The following LSAMP variants were observed in gnomAD, a reference collection of about 807,000 sequenced individuals.
The protein encoded by LSAMP is limbic system associated membrane protein.
Under a neutral mutation model 38.6 loss-of-function variants are expected in LSAMP, and 7 were observed. The observed-to-expected ratio is 0.18, with a 90% CI of 0.10 to 0.34. LSAMP has a LOEUF of 0.34. Ranked by LOEUF, LSAMP falls within the 10% of genes least tolerant of loss-of-function variation. The pLI is 1.00. For missense variants in LSAMP, 313 were observed against 420.0 expected, an observed-to-expected ratio of 0.75 and a Z score of 2.23; for synonymous variants, 154 against 166.8, an observed-to-expected ratio of 0.92 and a Z score of 0.59.
At chr3:115,854,282 ATTTTTTTT>A (rs35263381) in intron 3 of LSAMP, among the ~76,000 whole-genome samples, 4 of 107,030 alleles carry the variant, frequency 3.7e-5, no homozygotes, top group African/African-American at 1.5e-4. Context: ...TATTATTATT[ATTTTTTTT>A]TTTTTTTTTT....
chr3:116,389,731 T>A (rs1430763428), intron 1 of LSAMP, among the ~76,000 whole-genome samples: 5 of 152,178 alleles, frequency 3.3e-5, no homozygotes, highest in African/African-American at 1.2e-4. Flanking sequence ...GCTTTGAACA[T>A]GATGTTCATT....
intron 3 of LSAMP, among the ~76,000 whole-genome samples, chr3:115,904,003 A>C (rs1225910747): frequency 1.3e-5 from 2 of 152,184 alleles, no homozygotes; most frequent in East Asian, 3.8e-4. Flanking sequence ...AGAAAGTTGA[A>C]GATGTGGTTT....
At position 116,223,464 on chromosome 3, in the gene LSAMP, T is replaced by C. The variant is rs1222420245; in HGVS notation, c.156-136908A>G. ...AGATAAATTTAATGTGGCTTATCAA[T>C]TCATTAAAATAATATGAAGCCACTT... On this transcript the variant is annotated intron_variant, in intron 1 of 6. Coordinates refer to ENST00000490035, the MANE Select transcript of LSAMP (RefSeq NM_002338.5). Among the ~76,000 whole-genome samples, 6 of 152,190 alleles carry C rather than the reference T, an allele frequency of 3.9e-5. No homozygotes were observed. In the East Asian group the frequency reaches 1.2e-3, roughly 29 times the overall value.
At chr3:115,982,620 G>A (rs538155423) in intron 3 of LSAMP, among the ~76,000 whole-genome samples, 33 of 151,910 alleles carry the variant, frequency 2.2e-4, no homozygotes, top group African/African-American at 7.7e-4. Flanking sequence ...CTTTTCCTAT[G>A]TTCCCTTTTC....
At chr3:115,930,647 A>G (rs1937566783) in intron 3 of LSAMP, among the ~76,000 whole-genome samples, 1 of 152,220 alleles carries the variant, frequency 6.6e-6, no homozygotes, top group African/African-American at 2.4e-5. Flanking sequence ...CCTACAATCC[A>G]AATGAAACAT....
chr3:116,260,207 T>C (rs964560013), intron 1 of LSAMP, among the ~76,000 whole-genome samples: 1 of 152,132 alleles, frequency 6.6e-6, no homozygotes, highest in South Asian at 2.1e-4. Context: ...TACATTTGTA[T>C]AGTAAATTTA....
chr3:116,049,064 A>C (rs1479507011), intron 2 of LSAMP, among the ~76,000 whole-genome samples: 1 of 152,238 alleles, frequency 6.6e-6, no homozygotes, highest in Non-Finnish European at 1.5e-5. Flanking sequence ...TCACTCTCAG[A>C]CAATGATTAG....
intron 3 of LSAMP, among the ~76,000 whole-genome samples, chr3:116,004,002 A>G (rs1287528969): frequency 6.6e-6 from 1 of 152,192 alleles, no homozygotes; most frequent in Non-Finnish European, 1.5e-5. Context: ...GATGGTGCAG[A>G]TGTCAAGATA....
chr3:116,202,237 G>A (rs2045997912), intron 1 of LSAMP, among the ~76,000 whole-genome samples: 1 of 151,678 alleles, frequency 6.6e-6, no homozygotes, highest in African/African-American at 2.4e-5. Flanking sequence ...CCAGGTTCAA[G>A]TGATTCTCCT....
At chr3:116,183,624 G>A (rs1299303538) in intron 1 of LSAMP, among the ~76,000 whole-genome samples, 1 of 151,774 alleles carries the variant, frequency 6.6e-6, no homozygotes, top group African/African-American at 2.4e-5. Context: ...TACCTAATAA[G>A]ATAGAGTTTC....
At chr3:115,881,037 A>AAAATAAATAAATAAATAAAT (rs141822663) in intron 3 of LSAMP, among the ~76,000 whole-genome samples, 10,915 of 142,780 alleles carry the variant, frequency 0.076, 514 homozygotes, top group East Asian at 0.1. Flanking sequence ...CTCTGTCTCA[A>AAAATAAATAAATAAATAAAT]AAATAAATAA....
At chr3:115,966,888 T>C (rs1938833020) in intron 3 of LSAMP, among the ~76,000 whole-genome samples, 1 of 152,226 alleles carries the variant, frequency 6.6e-6, no homozygotes, top group African/African-American at 2.4e-5. Context: ...ACCTTATCAA[T>C]ATCTTTGAAA....
chr3:116,304,078 T>A (rs2047450345), intron 1 of LSAMP, among the ~76,000 whole-genome samples: 2 of 152,134 alleles, frequency 1.3e-5, no homozygotes, highest in Non-Finnish European at 2.9e-5. Context: ...ATGTGCTAAC[T>A]CAACTTGGTC....
chr3:116,146,215 C>T (rs1051440094), intron 1 of LSAMP, among the ~76,000 whole-genome samples: 4 of 151,860 alleles, frequency 2.6e-5, no homozygotes, highest in Non-Finnish European at 5.9e-5. Flanking sequence ...CCTATAAAGC[C>T]TGACTCCACC....
chr3:116,308,262 T>C (rs1399181201), intron 1 of LSAMP, among the ~76,000 whole-genome samples: 1 of 152,026 alleles, frequency 6.6e-6, no homozygotes, highest in Non-Finnish European at 1.5e-5. Context: ...CCTTCCTTTT[T>C]TGTTGTCAGA....
chr3:115,957,371 A>G (rs1421293483), intron 3 of LSAMP, among the ~76,000 whole-genome samples: 1 of 152,130 alleles, frequency 6.6e-6, no homozygotes, highest in Non-Finnish European at 1.5e-5. Context: ...GTGGCCATAT[A>G]CTAATATTTA....
At chr3:116,385,055 G>A (rs530530790) in intron 1 of LSAMP, among the ~76,000 whole-genome samples, 1 of 151,752 alleles carries the variant, frequency 6.6e-6, no homozygotes, top group Non-Finnish European at 1.5e-5. Context: ...CAGTCACAGG[G>A]TCAGAATCTA....
chr3:116,044,956 A>AAC (rs1246473755), intron 2 of LSAMP, among the ~76,000 whole-genome samples: 1 of 152,212 alleles, frequency 6.6e-6, no homozygotes, highest in African/African-American at 2.4e-5. Context: ...GAAAAAACAA[A>AAC]AAACAAAAAA....
chr3:115,862,468 A>G lies in LSAMP; in HGVS notation c.515-9851T>C, dbSNP rs376559544. On this transcript the variant is annotated intron_variant, in intron 3 of 6. Transcript: ENST00000490035. Reference sequence around the variant, plus strand: ...GAACCTGATGTTGCAATGACCTCATATAGGTTCACCCTAAAATCCCAGATC... The same window carrying G: ...GAACCTGATGTTGCAATGACCTCATGTAGGTTCACCCTAAAATCCCAGATC... Among the ~76,000 whole-genome samples the G allele has an allele frequency of 3.3e-5, 5 of 152,320 alleles. No individual in the cohort carries two copies. The East Asian group carries it at 9.6e-4, about 29-fold the overall frequency.
Sources: gnomAD v4.1 joint callset for allele counts (sites outside exome capture counted in the v4.1 genomes callset) on GRCh38, gnomAD v4.1.1 for gene constraint, MANE v1.5 for transcripts, NCBI Gene and HGNC (gene_info 2026-07-23, HGNC 2026-07-21) for gene names.